The following CDH19 variants were observed in gnomAD, a reference collection of about 807,000 sequenced individuals.
The protein encoded by CDH19 is cadherin 19, also known as cadherin-19.
A neutral mutation model predicts 64.2 loss-of-function variants in CDH19; 67 were observed. The ratio of observed to expected loss-of-function variants is 1.04; its 90% CI spans 0.86 to 1.28. The LOEUF (loss-of-function observed/expected upper bound fraction) is 1.28, where lower values mean the gene tolerates loss of function less well. Among genes scored for constraint, CDH19 ranks in the 50% most tolerant of loss-of-function variants. The pLI, the probability that CDH19 is intolerant of heterozygous loss-of-function variation, is 0.00. For missense variants in CDH19, 1,030 were observed against 929.0 expected (o/e 1.11, Z -1.41); for synonymous variants, 346 against 319.3 (o/e 1.08, Z -0.89).
In CDH19 at chr18:66,528,033, C is replaced by T. The variant is rs1256064035; in HGVS notation, c.1458+1812G>A. On this transcript the variant is annotated intron_variant, in intron 9 of 11. Transcript: ENST00000262150. ...TAATAATTCTAGAAATATGTTACAT[C>T]TAATATGTAAATTTGATATATATTT... 3.3e-5 allele frequency among the ~76,000 whole-genome samples: 5 copies of T among 151,110 alleles called. No individual in the cohort carries two copies. The East Asian group carries it at 7.7e-4, about 23-fold the overall frequency.
intron 8 of CDH19, chr18:66,532,604 A>C: frequency 2.7e-6 from 1 of 374,440 alleles, no homozygotes; most frequent in African/African-American, 2.1e-5. Context: ...AAATCTTTCA[A>C]AAGTTCAACA....
chr18:66,507,966 A>G (rs942316845), intron 11 of CDH19, among the ~76,000 whole-genome samples: 1 of 152,044 alleles, frequency 6.6e-6, no homozygotes, highest in African/African-American at 2.4e-5. Context: ...ATTATTCATG[A>G]TAGCCAAGAT....
At chr18:66,522,112 A>AC (rs1555684487) in intron 9 of CDH19, among the ~76,000 whole-genome samples, 1 of 149,034 alleles carries the variant, frequency 6.7e-6, no homozygotes, top group Non-Finnish European at 1.5e-5. Flanking sequence ...ATGCCCGGCA[A>AC]TTTTTTTTTG....
intron 9 of CDH19, among the ~76,000 whole-genome samples, chr18:66,515,278 AATT>A (rs1300135814): frequency 6.6e-6 from 1 of 151,682 alleles, no homozygotes; most frequent in Non-Finnish European, 1.5e-5. Context: ...ATTGCCAAGA[AATT>A]ATTATACAAA....
intron 2 of CDH19, among the ~76,000 whole-genome samples, chr18:66,569,864 T>C (rs1988044963): frequency 6.6e-6 from 1 of 151,706 alleles, no homozygotes; most frequent in African/African-American, 2.4e-5. Context: ...AAATTCATGA[T>C]TTTTCTGATG....
At chr18:66,530,018 A>G (rs1267913138) in intron 8 of CDH19, 52 bp from the exon 9 acceptor site, 2 of 928,660 alleles carry the variant, frequency 2.2e-6, no homozygotes, top group East Asian at 6.6e-5. Flanking sequence ...ATATGTCTTT[A>G]GAAGAGACAT....
Position 66,521,333 on chromosome 18 carries a change from A to T in CDH19, c.1458+8512T>A, listed in dbSNP as rs149613350. On this transcript the variant is annotated intron_variant, in intron 9 of 11. Transcript: ENST00000262150. Reference sequence around the variant, plus strand: ...ATACAGAGTGCTTGGAAATTTCTTCATTGGCAAAGTCACCCACGGTATTTA... The same window carrying T: ...ATACAGAGTGCTTGGAAATTTCTTCTTTGGCAAAGTCACCCACGGTATTTA... 2.6e-3 allele frequency among the ~76,000 whole-genome samples: 391 copies of T among 152,228 alleles called. 3 individuals are homozygous for T. The highest frequency in any genetic ancestry group is 4.6e-3 in the Non-Finnish European group (313 of 68,010).
chr18:66,539,118 T>A (rs1185702528), intron 7 of CDH19, among the ~76,000 whole-genome samples: 1 of 152,176 alleles, frequency 6.6e-6, no homozygotes, highest in Non-Finnish European at 1.5e-5. Flanking sequence ...TAAGTTTAAT[T>A]TATAATAATC....
At chr18:66,573,844 T>C (rs2144585866) in intron 1 of CDH19, among the ~76,000 whole-genome samples, 1 of 151,286 alleles carries the variant, frequency 6.6e-6, no homozygotes, top group South Asian at 2.1e-4. Flanking sequence ...CGTGCTCACT[T>C]TTTAATATTA....
intron 7 of CDH19, among the ~76,000 whole-genome samples, chr18:66,543,220 G>A (rs28439171): frequency 0.02 from 2,984 of 152,068 alleles, 109 homozygotes; most frequent in African/African-American, 0.068. Context: ...AGTAGAGACG[G>A]GGTTTCACAT....
rs914488235 is a variant in CDH19 at position 66,504,590 on chromosome 18, T to C, written c.*222A>G. ...TTATTTTACTTCAAATCTGGTTGTA[T>C]TGATGCCTGTGAGCTGATTGTTTAC... is the stretch of plus-strand genomic sequence containing the variant. On this transcript the variant is annotated 3_prime_UTR_variant, in exon 12 of 12. Coordinates refer to ENST00000262150, the MANE Select transcript of CDH19 (RefSeq NM_021153.4). The C allele has an allele frequency of 2.6e-5, 11 of 426,648 alleles. No individual in the cohort carries two copies. Among genetic ancestry groups the C allele is most frequent in the Non-Finnish European group, 4.2e-5 (10 of 240,146 alleles). 26.4% of individuals were successfully genotyped at this position (426,648 alleles called of 1,614,324 possible). A position where few individuals can be genotyped will look rare whatever the true frequency, so the allele number is the denominator to read the frequency against.
intron 1 of CDH19, among the ~76,000 whole-genome samples, chr18:66,599,768 GATAA>G (rs920580197): frequency 2.6e-5 from 4 of 151,942 alleles, no homozygotes; most frequent in South Asian, 2.1e-4. Flanking sequence ...ATGAATATAG[GATAA>G]ATAAATTTCT....
intron 9 of CDH19, among the ~76,000 whole-genome samples, chr18:66,515,436 A>T (rs554610980): frequency 6.6e-6 from 1 of 151,908 alleles, no homozygotes; most frequent in South Asian, 2.1e-4. Flanking sequence ...TAATACACTA[A>T]TAGAAGTAGA....
chr18:66,566,621 C>A (rs1237897547), intron 3 of CDH19, among the ~76,000 whole-genome samples: 2 of 151,772 alleles, frequency 1.3e-5, no homozygotes, highest in Admixed American at 1.3e-4. Flanking sequence ...ATCAAAAAAC[C>A]AGGGGTCTTC....
intron 9 of CDH19, among the ~76,000 whole-genome samples, chr18:66,524,569 T>TATATAAATAA: frequency 7.4e-6 from 1 of 135,158 alleles, no homozygotes; most frequent in South Asian, 2.5e-4. Context: ...TATATATATA[T>TATATAAATAA]AAACATCATC....
intron 3 of CDH19, among the ~76,000 whole-genome samples, chr18:66,561,514 G>T (rs1046917467): frequency 6.6e-6 from 1 of 152,048 alleles, no homozygotes; most frequent in Non-Finnish European, 1.5e-5. Context: ...ACCAAATGAT[G>T]GGAACTCTGA....
chr18:66,554,253 G>A (rs1421682984), intron 4 of CDH19, 152 bp downstream of exon 4: 7 of 663,170 alleles, frequency 1.1e-5, no homozygotes, highest in Non-Finnish European at 1.7e-5. Context: ...TCAGCTAAAA[G>A]ACTAAAAGTA....
intron 9 of CDH19, among the ~76,000 whole-genome samples, chr18:66,524,248 T>C (rs1986119963): frequency 6.6e-6 from 1 of 152,088 alleles, no homozygotes; most frequent in East Asian, 1.9e-4. Context: ...TGTAAATATT[T>C]TTTAAAACAA....
At chr18:66,532,244 G>T (rs934200704) in intron 8 of CDH19, 2 of 151,614 alleles carry the variant, frequency 1.3e-5, no homozygotes, top group African/African-American at 4.9e-5. Context: ...TGGAATTACA[G>T]GCTTAAGTCA....
Sources: allele counts gnomAD v4.1 joint callset (sites outside exome capture counted in the v4.1 genomes callset), GRCh38; gene constraint gnomAD v4.1.1; transcripts MANE v1.5; gene names NCBI Gene and HGNC (gene_info 2026-07-23, HGNC 2026-07-21).